Variants in CTNNA3 observed in about 807,000 individuals in gnomAD.
CTNNA3 encodes the protein catenin alpha-3.
A neutral mutation model predicts 95.7 loss-of-function variants in CTNNA3; 76 were observed. That is an observed-to-expected ratio of 0.79 (90% CI 0.66 to 0.96). The LOEUF (loss-of-function observed/expected upper bound fraction) is 0.96. CTNNA3 is among the 40% of genes least tolerant of loss of function. The pLI is 0.00. For synonymous variants in CTNNA3, 431 were observed against 374.4 expected (o/e 1.15, Z -1.74); for missense variants, 1,191 against 1,089.8 (o/e 1.09, Z -1.31).
chr10:66,295,910 G>A (rs2091770120), intron 12 of CTNNA3, among the ~76,000 whole-genome samples: 1 of 146,164 alleles, frequency 6.8e-6, no homozygotes, highest in Non-Finnish European at 1.5e-5. Context: ...TTTGTCTCTG[G>A]CTTCAGTAGG....
chr10:67,530,624 G>C (rs535944517), intron 4 of CTNNA3, among the ~76,000 whole-genome samples: 2 of 152,302 alleles, frequency 1.3e-5, no homozygotes, highest in African/African-American at 4.8e-5. Flanking sequence ...ATAAAGTTTG[G>C]AAAATTTGCA....
intron 10 of CTNNA3, among the ~76,000 whole-genome samples, chr10:66,554,858 G>T (rs1842342908): frequency 6.6e-6 from 1 of 151,342 alleles, no homozygotes; most frequent in Admixed American, 6.6e-5. Context: ...CACTGACACT[G>T]TTAATATCTG....
chr10:66,581,002 C>T (rs1416918698), intron 10 of CTNNA3, among the ~76,000 whole-genome samples: 2 of 151,642 alleles, frequency 1.3e-5, no homozygotes, highest in Non-Finnish European at 3.0e-5. Flanking sequence ...TTCAGTATCT[C>T]GTTTTCAATT....
At chr10:66,901,657 G>A (rs537378488) in intron 7 of CTNNA3, among the ~76,000 whole-genome samples, 18 of 152,256 alleles carry the variant, frequency 1.2e-4, no homozygotes, top group Non-Finnish European at 2.2e-4. Context: ...ACACACATAG[G>A]CTCAAAATAA....
chr10:66,121,365 C>T (rs936807668), intron 13 of CTNNA3, among the ~76,000 whole-genome samples: 2 of 152,096 alleles, frequency 1.3e-5, no homozygotes, highest in African/African-American at 4.8e-5. Context: ...ATAGGTATTT[C>T]TTTATTTCTT....
At chr10:67,070,685 T>G (rs907369132) in intron 7 of CTNNA3, among the ~76,000 whole-genome samples, 8 of 151,490 alleles carry the variant, frequency 5.3e-5, no homozygotes, top group Non-Finnish European at 1.2e-4. Context: ...AGGCGGAGGT[T>G]GCAGGGAGCT....
Position 66,069,462 on chromosome 10 carries a change from C to G in CTNNA3, c.2005G>C (p.Glu669Gln). The change falls in exon 15 of 18, where the codon GAA (glutamate) becomes CAA (glutamine). Residue 669 changes from glutamate to glutamine, a missense_variant. By Grantham distance (29) the Glu-to-Gln change is conservative. Coordinates refer to ENST00000433211, the MANE Select transcript of CTNNA3 (RefSeq NM_013266.4). ...RAKMTQLPEA[E>Q]KEKIAEQVAD... ...ACTTGCTCAGCAATCTTTTCTTTTTCTGCCTCAGGCAGTTGAGTCATCTTA... is the reference window on the plus strand; with the variant it reads ...ACTTGCTCAGCAATCTTTTCTTTTTGTGCCTCAGGCAGTTGAGTCATCTTA... The G allele has an allele frequency of 1.2e-6, 2 of 1,612,748 alleles. No homozygotes were observed. Among genetic ancestry groups the G allele is most frequent in the Non-Finnish European group, 1.7e-6 (2 of 1,179,472 alleles).
At chr10:66,445,069 CAAA>C (rs1564970445) in intron 11 of CTNNA3, among the ~76,000 whole-genome samples, 1 of 151,902 alleles carries the variant, frequency 6.6e-6, no homozygotes, top group Non-Finnish European at 1.5e-5. Context: ...TCAAAAGAGA[CAAA>C]GAAGGCCATT....
In CTNNA3 at chr10:66,529,469, A is replaced by G. The variant is rs1442876852; in HGVS notation, c.1375-8696T>C. Among the ~76,000 whole-genome samples, 3 of 149,376 alleles carry G rather than the reference A, an allele frequency of 2.0e-5. No homozygotes were observed. In the Admixed American group the frequency reaches 2.0e-4, roughly 10 times the overall value. Reference sequence around the variant, plus strand: ...TTTTTTGTTTTTTTTTTTTAATAAAAAAACCTATCTTCTGAAATGATAAAA... The same window carrying G: ...TTTTTTGTTTTTTTTTTTTAATAAAGAAACCTATCTTCTGAAATGATAAAA... On this transcript the variant is annotated intron_variant, in intron 10 of 17. Coordinates refer to ENST00000433211, the MANE Select transcript of CTNNA3 (RefSeq NM_013266.4).
intron 7 of CTNNA3, among the ~76,000 whole-genome samples, chr10:67,116,283 A>G (rs528335066): frequency 4.5e-4 from 69 of 152,246 alleles, no homozygotes; most frequent in African/African-American, 9.9e-4. Flanking sequence ...TGACTTATTC[A>G]GATGATAGAA....
At chr10:66,259,997 C>A (rs1403247162) in intron 13 of CTNNA3, among the ~76,000 whole-genome samples, 3 of 152,066 alleles carry the variant, frequency 2.0e-5, no homozygotes, top group Admixed American at 2.0e-4. Flanking sequence ...ACTGATACCC[C>A]AAAATACATG....
chr10:66,059,161 A>C (rs2080145140), intron 15 of CTNNA3, among the ~76,000 whole-genome samples: 1 of 151,824 alleles, frequency 6.6e-6, no homozygotes, highest in Non-Finnish European at 1.5e-5. Flanking sequence ...CAGAGGGGGG[A>C]GTATCAGGAA....
At chr10:67,672,575 T>A (rs1164090595) in intron 1 of CTNNA3, among the ~76,000 whole-genome samples, 13 of 152,312 alleles carry the variant, frequency 8.5e-5, no homozygotes, top group African/African-American at 1.9e-4. Flanking sequence ...GCTTTCTACG[T>A]AGGGCTAGCC....
intron 13 of CTNNA3, among the ~76,000 whole-genome samples, chr10:66,240,676 G>T (rs149454026): frequency 6.6e-6 from 1 of 151,956 alleles, no homozygotes; most frequent in African/African-American, 2.4e-5. Flanking sequence ...TGAAAAACAG[G>T]GATAACTGAA....
chr10:66,363,082 T>C (rs1463333162), intron 12 of CTNNA3, among the ~76,000 whole-genome samples: 1 of 152,208 alleles, frequency 6.6e-6, no homozygotes, highest in East Asian at 1.9e-4. Flanking sequence ...GCATGTGTAA[T>C]AGCGATACAC....
At chr10:66,057,710 GA>G (rs1363408266) in intron 15 of CTNNA3, among the ~76,000 whole-genome samples, 3 of 151,814 alleles carry the variant, frequency 2.0e-5, no homozygotes, top group Non-Finnish European at 4.4e-5. Context: ...TATCCAATAG[GA>G]AAAAAAGTAA....
chr10:66,792,901 G>A (rs1338258432), intron 7 of CTNNA3, among the ~76,000 whole-genome samples: 2 of 152,140 alleles, frequency 1.3e-5, no homozygotes, highest in African/African-American at 4.8e-5. Context: ...CAGAGATGTT[G>A]AAGTGTTTTC....
At chr10:66,541,620 T>G (rs1481330031) in intron 10 of CTNNA3, among the ~76,000 whole-genome samples, 1 of 152,136 alleles carries the variant, frequency 6.6e-6, no homozygotes, top group East Asian at 1.9e-4. Flanking sequence ...GCATGTTTCT[T>G]TAGATATTGT....
At chr10:66,785,759 C>T (rs1840715045) in intron 7 of CTNNA3, among the ~76,000 whole-genome samples, 5 of 152,114 alleles carry the variant, frequency 3.3e-5, no homozygotes, top group Admixed American at 2.0e-4. Context: ...AATAAATCTC[C>T]TCTTATATAT....
Sources: gnomAD v4.1 joint callset for allele counts (sites outside exome capture counted in the v4.1 genomes callset) on GRCh38, gnomAD v4.1.1 for gene constraint, MANE v1.5 for transcripts, NCBI Gene and HGNC (gene_info 2026-07-23, HGNC 2026-07-21) for gene names.